VEGFC: variants seen among roughly 807,000 people sequenced by gnomAD.
VEGFC encodes the protein vascular endothelial growth factor C, also known as FLT4 ligand DHM.
Under a neutral mutation model 46.1 loss-of-function variants are expected in VEGFC, and 12 were observed. The observed-to-expected ratio is 0.26, with a 90% CI of 0.17 to 0.42. VEGFC has a LOEUF of 0.42. Among genes scored for constraint, VEGFC ranks in the 10% least tolerant of loss-of-function variants. The pLI, the probability that VEGFC is intolerant of heterozygous loss-of-function variation, is 1.00. For synonymous variants in VEGFC, 232 were observed against 195.5 expected (o/e 1.19, Z -1.56); for missense variants, 488 against 529.4 (o/e 0.92, Z 0.77).
At chr4:176,714,663 T>G (rs756532409) in intron 3 of VEGFC, among the ~76,000 whole-genome samples, 3 of 152,196 alleles carry the variant, frequency 2.0e-5, no homozygotes, top group Admixed American at 1.3e-4. Context: ...GCATCATTCC[T>G]GCTCCCACTG....
chr4:176,765,692 C>A (rs1039538442), intron 1 of VEGFC, among the ~76,000 whole-genome samples: 73 of 151,730 alleles, frequency 4.8e-4, no homozygotes, highest in African/African-American at 1.7e-3. Flanking sequence ...AGTAGCTGGA[C>A]TACAGGTGCC....
rs751524157 is a variant in VEGFC at position 176,687,814 on chromosome 4, T to G, written c.811+7A>C. 4 of 1,600,322 alleles carry G rather than the reference T, an allele frequency of 2.5e-6. No homozygotes were observed. The Admixed American group carries it at 5.1e-5, about 20-fold the overall frequency. On this transcript the variant is annotated splice_region_variant and intron_variant, in intron 5 of 6. Transcript: ENST00000618562. Reference sequence around the variant, plus strand: ...GCGTTTAGTCTTTAAAGCATCATTCTGCTTACCATCTCCAGCATCCGAGGA... The same window carrying G: ...GCGTTTAGTCTTTAAAGCATCATTCGGCTTACCATCTCCAGCATCCGAGGA...
chr4:176,739,468 C>A lies in VEGFC; in HGVS notation c.148-9722G>T, dbSNP rs1735117712. On this transcript the variant is annotated intron_variant, in intron 1 of 6. Transcript: ENST00000618562. ...GGACATGGATGGAGCTGGAAGCCATCATCCTGAGCAAACTAATGCAGGAGC... is the reference window on the plus strand; with the variant it reads ...GGACATGGATGGAGCTGGAAGCCATAATCCTGAGCAAACTAATGCAGGAGC... Among the ~76,000 whole-genome samples, 5 of 152,028 alleles carry A rather than the reference C, an allele frequency of 3.3e-5. 1 individual carries two copies. In the South Asian group the frequency reaches 1.0e-3, roughly 32 times the overall value.
intron 1 of VEGFC, among the ~76,000 whole-genome samples, chr4:176,784,212 G>A (rs1439075741): frequency 6.6e-6 from 1 of 151,784 alleles, no homozygotes; most frequent in African/African-American, 2.4e-5. Flanking sequence ...GTGAATACAG[G>A]CACGTGTCAC....
chr4:176,750,740 G>C (rs1735328665), intron 1 of VEGFC, among the ~76,000 whole-genome samples: 1 of 151,670 alleles, frequency 6.6e-6, no homozygotes, highest in South Asian at 2.1e-4. Context: ...TATGAAAACT[G>C]ACCACCAGCT....
chr4:176,775,092 G>A (rs1735793038), intron 1 of VEGFC, among the ~76,000 whole-genome samples: 3 of 152,154 alleles, frequency 2.0e-5, no homozygotes. Flanking sequence ...TGGCAGAAGT[G>A]ACTTTTAGAT....
chr4:176,742,475 C>A (rs1340323174), intron 1 of VEGFC, among the ~76,000 whole-genome samples: 1 of 151,940 alleles, frequency 6.6e-6, no homozygotes, highest in African/African-American at 2.4e-5. Context: ...GTTGCTGGGT[C>A]AAACTGTAGT....
intron 1 of VEGFC, among the ~76,000 whole-genome samples, chr4:176,765,299 T>C (rs180933460): frequency 4.6e-5 from 7 of 150,976 alleles, no homozygotes; most frequent in Admixed American, 2.0e-4. Flanking sequence ...ATAATAGACA[T>C]AGATGATTGG....
intron 1 of VEGFC, among the ~76,000 whole-genome samples, chr4:176,730,663 G>T (rs1407568336): frequency 1.3e-5 from 2 of 152,020 alleles, no homozygotes; most frequent in Non-Finnish European, 2.9e-5. Context: ...TGTCAGAAAT[G>T]CAGGTAACTG....
chr4:176,694,479 G>A (rs1473283861), intron 4 of VEGFC, among the ~76,000 whole-genome samples: 1 of 151,222 alleles, frequency 6.6e-6, no homozygotes, highest in African/African-American at 2.4e-5. Flanking sequence ...GATTCATAAA[G>A]CAAGTCCTGA....
Position 176,792,280 on chromosome 4 carries a change from C to G in VEGFC, c.32G>C (p.Cys11Ser). MHLLGFFSVA[C>S]SLLAAALLPG... ...GAGCAGCGCAGCGGCGAGCAGAGAA[C>G]ACGCCACAGAGAAGAAGCCCAGCAA... Residue 11 changes from cysteine to serine, a missense_variant, in exon 1 of 7, where the codon TGT (cysteine) becomes TCT (serine). Physicochemically the swap from Cys to Ser is moderately radical, Grantham distance 112. Coordinates refer to ENST00000618562, the MANE Select transcript of VEGFC (RefSeq NM_005429.5). The surrounding 1 kb of genome is among the most constrained non-coding windows in gnomAD (Gnocchi z 6.3). 1 of 1,545,030 alleles carries G rather than the reference C, an allele frequency of 6.5e-7. No homozygotes were observed. The highest frequency in any genetic ancestry group is 1.2e-5 in the South Asian group (1 of 85,394).
chr4:176,765,550 A>ATTTTTTTTTT (rs779746169), intron 1 of VEGFC, among the ~76,000 whole-genome samples: 1 of 131,516 alleles, frequency 7.6e-6, no homozygotes, highest in African/African-American at 3.0e-5. Context: ...CAAAGACAGA[A>ATTTTTTTTTT]TTTTTTTTTT....
intron 1 of VEGFC, among the ~76,000 whole-genome samples, chr4:176,745,598 T>C (rs529266418): frequency 7.2e-5 from 11 of 152,094 alleles, no homozygotes; most frequent in Non-Finnish European, 1.3e-4. Flanking sequence ...TACAGGTTCA[T>C]CTGAAGCCAA....
At position 176,722,239 on chromosome 4, in the gene VEGFC, T is replaced by C. The variant is rs75130680; in HGVS notation, c.552+5539A>G. ...CACAAGCAAATGATTGGGAAGAAGT[T>C]GACAAAACTCATATCAACATTGTAA... On this transcript the variant is annotated intron_variant, in intron 3 of 6. Transcript: ENST00000618562. Among the ~76,000 whole-genome samples, 1,109 of 152,184 alleles carry C rather than the reference T, an allele frequency of 7.3e-3. 15 individuals carry two copies. The highest frequency in any genetic ancestry group is 0.025 in the African/African-American group (1,052 of 41,536).
At chr4:176,775,175 G>C (rs2333521) in intron 1 of VEGFC, among the ~76,000 whole-genome samples, 8,123 of 152,204 alleles carry the variant, frequency 0.053, 435 homozygotes, top group African/African-American at 0.12. Context: ...CAGAGGGCTT[G>C]TCAAGTATAA....
rs191803983 is a variant in VEGFC, at chr4:176,751,462, T to C, written c.148-21716A>G. 3.3e-3 allele frequency among the ~76,000 whole-genome samples: 499 copies of C among 152,114 alleles called. 4 individuals are homozygous for C. The highest frequency in any genetic ancestry group is 7.7e-3 in the Admixed American group (118 of 15,240). ...TTCCTACAAACTAAAAAGACCACCA[T>C]TCTTTTTATAAGGAAACATCAAAAT... On this transcript the variant is annotated intron_variant, in intron 1 of 6. Transcript: ENST00000618562.
At chr4:176,686,706 C>T (rs1048493258) in intron 6 of VEGFC, among the ~76,000 whole-genome samples, 1 of 151,836 alleles carries the variant, frequency 6.6e-6, no homozygotes, top group African/African-American at 2.4e-5. Context: ...GTCTTGGGTA[C>T]CTTTAACAAC....
At chr4:176,727,754 G>A in intron 3 of VEGFC, 24 bp downstream of exon 3, 1 of 1,587,296 alleles carries the variant, frequency 6.3e-7, no homozygotes, top group Non-Finnish European at 8.6e-7. Flanking sequence ...GCTCTCGCAG[G>A]TAGCAGGAAT....
In VEGFC at chr4:176,742,615, C is replaced by T. The variant is rs544302502; in HGVS notation, c.148-12869G>A. Among the ~76,000 whole-genome samples, 17 of 152,024 alleles carry T rather than the reference C, an allele frequency of 1.1e-4. No homozygotes were observed. In the South Asian group the frequency reaches 3.1e-3, roughly 28 times the overall value. ...CCTCAAATAATTATTAATTATCATT[C>T]TGATTCTCAGCTTTCTTAAGCTTAA... On this transcript the variant is annotated intron_variant, in intron 1 of 6. Transcript: ENST00000618562.
Sources: allele counts gnomAD v4.1 joint callset (sites outside exome capture counted in the v4.1 genomes callset), GRCh38; gene constraint gnomAD v4.1.1; non-coding constraint Gnocchi (gnomAD v3.1); transcripts MANE v1.5; gene names NCBI Gene and HGNC (gene_info 2026-07-23, HGNC 2026-07-21).